The following LRCH3 variants were observed in gnomAD, a reference collection of about 807,000 sequenced individuals.
LRCH3 encodes the protein DISP complex protein LRCH3.
A neutral mutation model predicts 104.5 loss-of-function variants in LRCH3; 68 were observed. That is an observed-to-expected ratio of 0.65 (90% confidence interval 0.54 to 0.80). LRCH3 has a LOEUF of 0.80. LRCH3 is among the 30% of genes least tolerant of loss of function. The pLI is 0.00. For synonymous variants in LRCH3, 344 were observed against 361.3 expected (o/e 0.95, Z 0.54); for missense variants, 951 against 953.9 (o/e 1.00, Z 0.04).
Position 197,865,457 on chromosome 3 carries a change from C to A in LRCH3, c.1751C>A (p.Pro584His). ...DDRPNALLSS[P>H]ATETVHHSPA... ...AGACCTAATGCTCTATTAAGTTCAC[C>A]TGCAACAGAAACAGGTAATAGACAC... The change falls in exon 16 of 21, where the codon CCT becomes CAT. Residue 584 changes from proline to histidine, a missense_variant. By Grantham distance (77) the Pro-to-His change is moderately conservative. Coordinates refer to ENST00000425562, the MANE Select transcript of LRCH3 (RefSeq NM_001365715.1). 1 of 1,552,564 alleles carries A rather than the reference C, an allele frequency of 6.4e-7. No homozygotes were observed. The highest frequency in any genetic ancestry group is 8.7e-7 in the Non-Finnish European group (1 of 1,149,872).
At chr3:197,806,612 C>T (rs1442851790) in intron 1 of LRCH3, among the ~76,000 whole-genome samples, 1 of 151,808 alleles carries the variant, frequency 6.6e-6, no homozygotes, top group Non-Finnish European at 1.5e-5. Flanking sequence ...GACATGGTGG[C>T]TCACTCCTGT....
intron 15 of LRCH3, among the ~76,000 whole-genome samples, chr3:197,863,611 C>A (rs1209248877): frequency 6.6e-6 from 1 of 152,174 alleles, no homozygotes; most frequent in Non-Finnish European, 1.5e-5. Context: ...GCAGCTTTAA[C>A]CTAGTCAACC....
chr3:197,865,281 C>T (rs536196847), intron 15 of LRCH3, 142 bp from the exon 16 acceptor site: 9 of 550,510 alleles, frequency 1.6e-5, no homozygotes, highest in Admixed American at 7.0e-5. Flanking sequence ...AGCCACTGCA[C>T]CTGACCCAAA....
In LRCH3 at chr3:197,871,476, C is replaced by T; in HGVS notation, c.2130+14C>T. ...TCACCAGCTGTAGTAAGTTGATAAT[C>T]CTAAAAAGCCTTGGCTATTCATCAG... On this transcript the variant is annotated intron_variant, in intron 19 of 20. Coordinates refer to ENST00000425562, the MANE Select transcript of LRCH3 (RefSeq NM_001365715.1). 6.2e-7 allele frequency: 1 copy of T among 1,611,012 alleles called. No homozygotes were observed. Among genetic ancestry groups the T allele is most frequent in the South Asian group, 1.1e-5 (1 of 90,906 alleles).
At chr3:197,880,972 C>G in intron 20 of LRCH3, 1 of 1,337,498 alleles carries the variant, frequency 7.5e-7, no homozygotes, top group Non-Finnish European at 9.6e-7. Context: ...GGCCTGTGGC[C>G]TTGTTTCTCT....
rs780415484 is a variant in LRCH3 at position 197,854,555 on chromosome 3, G to C, written c.1644+110G>C. The C allele has an allele frequency of 8.5e-6, 9 of 1,056,816 alleles. No individual in the cohort carries two copies. Among genetic ancestry groups the C allele is most frequent in the Non-Finnish European group, 1.0e-5 (7 of 688,294 alleles). 65.5% of individuals were successfully genotyped at this position (1,056,816 alleles called of 1,614,324 possible). ...AACATGATGAACATCATTACTAAAT[G>C]CTTTATGAAGAACTAAACCATTTTC... is the stretch of plus-strand genomic sequence containing the variant. On this transcript the variant is annotated intron_variant, in intron 14 of 20. Transcript: ENST00000425562. This position sits in a 1 kb window ranked among gnomAD's most constrained non-coding sequence, Gnocchi z 4.5.
chr3:197,830,920 A>T (rs1431973410), intron 7 of LRCH3, 57 bp downstream of exon 7: 1 of 1,374,200 alleles, frequency 7.3e-7, no homozygotes, highest in East Asian at 2.3e-5. Flanking sequence ...AAACAGAATG[A>T]TGAAAATGAA....
chr3:197,871,033 G>A (rs1477236461), intron 18 of LRCH3, among the ~76,000 whole-genome samples: 1 of 151,594 alleles, frequency 6.6e-6, no homozygotes, highest in Non-Finnish European at 1.5e-5. Context: ...CACATATATA[G>A]TGAGTGATTG....
chr3:197,818,139 TAAGACACTTAA>T (rs1240138309), intron 3 of LRCH3, among the ~76,000 whole-genome samples: 3 of 152,128 alleles, frequency 2.0e-5, no homozygotes, highest in Non-Finnish European at 4.4e-5. Context: ...CTGTATTTTC[TAAGACACTTAA>T]TTGAACTCCT....
chr3:197,849,786 C>T (rs956240963), intron 12 of LRCH3, among the ~76,000 whole-genome samples: 8 of 152,066 alleles, frequency 5.3e-5, no homozygotes, highest in Admixed American at 5.2e-4. Context: ...TAACTTGGTT[C>T]GTCCATTTGA....
chr3:197,848,087 C>T, intron 12 of LRCH3, 66 bp downstream of exon 12: 1 of 1,551,762 alleles, frequency 6.4e-7, no homozygotes, highest in Non-Finnish European at 8.8e-7. Flanking sequence ...TTGGTCAGGC[C>T]CGTTGGTTTT....
Position 197,838,100 on chromosome 3 carries a change from T to C in LRCH3, c.1252-1221T>C, listed in dbSNP as rs559581038. Reference sequence around the variant, plus strand: ...AGGGTGGTAAGCCACTGGTACAGCGTCCTAGGAGAGATTTGTGTTTATTGT... The same window carrying C: ...AGGGTGGTAAGCCACTGGTACAGCGCCCTAGGAGAGATTTGTGTTTATTGT... On this transcript the variant is annotated intron_variant, in intron 9 of 20. Coordinates refer to ENST00000425562, the MANE Select transcript of LRCH3 (RefSeq NM_001365715.1). Among the ~76,000 whole-genome samples, 20 of 151,338 alleles carry C rather than the reference T, an allele frequency of 1.3e-4. No individual in the cohort carries two copies. In the East Asian group the frequency reaches 1.4e-3, roughly 10 times the overall value.
Position 197,832,186 on chromosome 3 carries a change from T to A in LRCH3, c.982-11T>A, listed in dbSNP as rs112875619. Reference sequence around the variant, plus strand: ...AATGATTGTTTTTAATGTTTCTGCTTCTTTTTTAAGCCTACAGATGAATTT... The same window carrying A: ...AATGATTGTTTTTAATGTTTCTGCTACTTTTTTAAGCCTACAGATGAATTT... On this transcript the variant is annotated splice_polypyrimidine_tract_variant and intron_variant, in intron 7 of 20. Transcript: ENST00000425562. 1.1e-5 allele frequency: 17 copies of A among 1,609,136 alleles called. No individual in the cohort carries two copies. The highest frequency in any genetic ancestry group is 1.4e-5 in the Non-Finnish European group (16 of 1,176,662).
Position 197,888,177 on chromosome 3 carries a change from G to A in LRCH3, c.*4511G>A, listed in dbSNP as rs1714385042. ...AAATGGTTATAGAAATGAAAACATGGATATTTAGAAGCCTTTCTATATACA... is the reference window on the plus strand; with the variant it reads ...AAATGGTTATAGAAATGAAAACATGAATATTTAGAAGCCTTTCTATATACA... On this transcript the variant is annotated 3_prime_UTR_variant, in exon 21 of 21. Transcript: ENST00000425562. 1 of 152,198 alleles carries A rather than the reference G, an allele frequency of 6.6e-6. No homozygotes were observed. The highest frequency in any genetic ancestry group is 1.5e-5 in the Non-Finnish European group (1 of 68,046). The allele number at this position is 152,198 out of a possible 1,614,324, so 9.4% of individuals were successfully genotyped here. A position where few individuals can be genotyped will look rare whatever the true frequency, so the allele number is the denominator to read the frequency against.
intron 10 of LRCH3, among the ~76,000 whole-genome samples, chr3:197,842,588 C>CT (rs1367797780): frequency 1.3e-5 from 2 of 152,124 alleles, no homozygotes; most frequent in African/African-American, 4.8e-5. Context: ...TTCTTTTCCC[C>CT]TACCCTCATC....
At chr3:197,805,283 A>T (rs1732350811) in intron 1 of LRCH3, among the ~76,000 whole-genome samples, 1 of 152,210 alleles carries the variant, frequency 6.6e-6, no homozygotes, top group Admixed American at 6.5e-5. Context: ...ACTATCCTTG[A>T]TAACTTTTCC....
Position 197,840,293 on chromosome 3 carries a change from C to T in LRCH3, c.1328+896C>T, listed in dbSNP as rs561855146. Among the ~76,000 whole-genome samples, 229 of 152,208 alleles carry T rather than the reference C, an allele frequency of 1.5e-3. 1 individual carries two copies. Among genetic ancestry groups the T allele is most frequent in the Non-Finnish European group, 2.5e-3 (171 of 68,010 alleles). ...TCTCTACTAAAAATACAAAAAATAG[C>T]TGGGTGTGGTGGCACACGCCTGTAA... On this transcript the variant is annotated intron_variant, in intron 10 of 20. Coordinates refer to ENST00000425562, the MANE Select transcript of LRCH3 (RefSeq NM_001365715.1).
chr3:197,860,765 C>T (rs1306295138), intron 15 of LRCH3, among the ~76,000 whole-genome samples: 1 of 152,096 alleles, frequency 6.6e-6, no homozygotes, highest in Non-Finnish European at 1.5e-5. Context: ...CAGTTATACT[C>T]CTTTAGTTAT....
At chr3:197,873,609 C>T (rs1344688535) in intron 19 of LRCH3, among the ~76,000 whole-genome samples, 2 of 152,122 alleles carry the variant, frequency 1.3e-5, no homozygotes, top group African/African-American at 2.4e-5. Context: ...AGGCGTGCAC[C>T]TGCTACTCAG....
Sources: gnomAD v4.1 joint callset for allele counts (sites outside exome capture counted in the v4.1 genomes callset) on GRCh38, gnomAD v4.1.1 for gene constraint, Gnocchi (gnomAD v3.1) non-coding constraint, MANE v1.5 for transcripts, NCBI Gene and HGNC (gene_info 2026-07-23, HGNC 2026-07-21) for gene names.